PIK3C2G: variants seen among roughly 807,000 people sequenced by gnomAD.
PIK3C2G encodes phosphatidylinositol 3-kinase C2 domain-containing subunit gamma.
In PIK3C2G, 168 loss-of-function variants were observed where a neutral mutation model predicts 181.1. The ratio of observed to expected loss-of-function variants is 0.93; its 90% CI spans 0.82 to 1.05. The LOEUF (loss-of-function observed/expected upper bound fraction) is 1.05. PIK3C2G is among the 50% of genes least tolerant of loss of function. The probability of loss-of-function intolerance (pLI) is 0.00; values close to 1 mark genes in which losing one functional copy is unlikely to be tolerated. For missense variants in PIK3C2G, 1,869 were observed against 1,732.8 expected, an observed-to-expected ratio of 1.08 and a Z score of -1.40; for synonymous variants, 573 against 592.2, an observed-to-expected ratio of 0.97 and a Z score of 0.47.
At chr12:18,583,015 C>T (rs867866750) in intron 29 of PIK3C2G, among the ~76,000 whole-genome samples, 100 of 152,084 alleles carry the variant, frequency 6.6e-4, no homozygotes, top group African/African-American at 2.3e-3. Context: ...CTAGAGAGTC[C>T]GGGGTGACTT....
the PIK3C2G span, among the ~76,000 whole-genome samples, chr12:18,695,442 C>A: frequency 6.6e-6 from 1 of 152,080 alleles, no homozygotes; most frequent in African/African-American, 2.4e-5. Flanking sequence ...TCAACTATGT[C>A]ATAAATTTTC....
chr12:18,549,805 G>C (rs1944628230), intron 26 of PIK3C2G, among the ~76,000 whole-genome samples: 1 of 151,946 alleles, frequency 6.6e-6, no homozygotes, highest in South Asian at 2.1e-4. Flanking sequence ...CTGGATATTT[G>C]GTTCCAGATC....
At chr12:18,696,970 T>C in the PIK3C2G span, among the ~76,000 whole-genome samples, 1 of 152,144 alleles carries the variant, frequency 6.6e-6, no homozygotes. Flanking sequence ...TCTATTTTAG[T>C]TTCTGTACAT....
the PIK3C2G span, among the ~76,000 whole-genome samples, chr12:18,665,771 GT>G: frequency 2.0e-5 from 3 of 151,776 alleles, no homozygotes; most frequent in South Asian, 6.2e-4. Context: ...TCCTTCTCTA[GT>G]AAAATACAAA....
intron 26 of PIK3C2G, among the ~76,000 whole-genome samples, chr12:18,552,008 A>G (rs1944759471): frequency 6.6e-6 from 1 of 152,116 alleles, no homozygotes; most frequent in Non-Finnish European, 1.5e-5. Flanking sequence ...CCTTTCACAG[A>G]AAAATAGCCT....
At chr12:18,694,376 G>A in the PIK3C2G span, among the ~76,000 whole-genome samples, 1 of 152,084 alleles carries the variant, frequency 6.6e-6, no homozygotes, top group Non-Finnish European at 1.5e-5. Context: ...TGTTAAAGTT[G>A]ACACAAATTA....
At chr12:18,307,735 A>G (rs970918949) in intron 5 of PIK3C2G, among the ~76,000 whole-genome samples, 2 of 151,022 alleles carry the variant, frequency 1.3e-5, no homozygotes, top group African/African-American at 2.4e-5. Context: ...TTAAATTCCC[A>G]CCCTTCTTTC....
chr12:18,317,223 G>A lies in PIK3C2G; in HGVS notation c.1137+3159G>A, dbSNP rs546054570. Among the ~76,000 whole-genome samples, 23 of 151,978 alleles carry A rather than the reference G, an allele frequency of 1.5e-4. No homozygotes were observed. In the South Asian group the frequency reaches 4.6e-3, roughly 30 times the overall value. ...GAGACGGGTTTCACCATGTTGGTTA[G>A]GCTGGTCTCAAACTCCTGACCTCGT... On this transcript the variant is annotated intron_variant, in intron 6 of 32. Transcript: ENST00000538779.
chr12:18,659,350 G>A, the PIK3C2G span, among the ~76,000 whole-genome samples: 2 of 152,146 alleles, frequency 1.3e-5, no homozygotes, highest in South Asian at 2.1e-4. Context: ...ACAGCCATAC[G>A]CTTGTAACTG....
At chr12:18,458,763 T>G (rs1947760041) in intron 18 of PIK3C2G, among the ~76,000 whole-genome samples, 1 of 151,690 alleles carries the variant, frequency 6.6e-6, no homozygotes, top group Non-Finnish European at 1.5e-5. Context: ...GGGGATGCTC[T>G]GTGGCTGACT....
intron 19 of PIK3C2G, among the ~76,000 whole-genome samples, chr12:18,489,221 A>T (rs2136055107): frequency 6.6e-6 from 1 of 152,148 alleles, no homozygotes; most frequent in Non-Finnish European, 1.5e-5. Flanking sequence ...ATACACCATT[A>T]AGTAGTTTCT....
chr12:18,654,963 G>A, the PIK3C2G span, among the ~76,000 whole-genome samples: 2 of 151,892 alleles, frequency 1.3e-5, no homozygotes, highest in Non-Finnish European at 2.9e-5. Flanking sequence ...ATCCCTATGT[G>A]AAATAAAGAA....
intron 10 of PIK3C2G, 61 bp downstream of exon 10, chr12:18,343,421 A>G: frequency 1.1e-6 from 1 of 893,732 alleles, no homozygotes; most frequent in Non-Finnish European, 1.7e-6. Context: ...ACAGAATCCA[A>G]AATACTTTTT....
chr12:18,315,264 T>G (rs917277214), intron 6 of PIK3C2G, among the ~76,000 whole-genome samples: 2 of 152,128 alleles, frequency 1.3e-5, no homozygotes, highest in Non-Finnish European at 2.9e-5. Flanking sequence ...ATCTTTTGGA[T>G]CTTGTGCTCA....
chr12:18,376,291 G>A (rs1942434062), intron 13 of PIK3C2G, among the ~76,000 whole-genome samples: 1 of 152,152 alleles, frequency 6.6e-6, no homozygotes, highest in Non-Finnish European at 1.5e-5. Context: ...GGAGTCAAGG[G>A]TTATTTTGGA....
chr12:18,567,099 A>T, intron 29 of PIK3C2G, 42 bp downstream of exon 29: 1 of 919,138 alleles, frequency 1.1e-6, no homozygotes, highest in Non-Finnish European at 1.7e-6. Flanking sequence ...TAAAACATCA[A>T]CTATTTTATA....
intron 11 of PIK3C2G, among the ~76,000 whole-genome samples, chr12:18,361,974 T>G (rs1347712420): frequency 1.2e-4 from 17 of 142,838 alleles, no homozygotes; most frequent in Non-Finnish European, 2.6e-4. Context: ...GCCACCCAAC[T>G]TTTTTTTTTT....
intron 19 of PIK3C2G, among the ~76,000 whole-genome samples, chr12:18,489,965 A>G (rs924012863): frequency 6.6e-6 from 1 of 152,118 alleles, no homozygotes. Flanking sequence ...ACATCTCTTC[A>G]CATAGGAAAA....
rs1027834237 is a variant in PIK3C2G at position 18,357,908 on chromosome 12, T to C, written c.1626-4856T>C. ...GCATAATGTCCTTAATATTTATCCA[T>C]GTTGTAGTATGACAGGATTTTCTTC... On this transcript the variant is annotated intron_variant, in intron 11 of 32. Transcript: ENST00000538779. 5.9e-5 allele frequency among the ~76,000 whole-genome samples: 9 copies of C among 152,232 alleles called. No homozygotes were observed. In the East Asian group the frequency reaches 1.5e-3, roughly 26 times the overall value.
Sources: allele counts gnomAD v4.1 joint callset (sites outside exome capture counted in the v4.1 genomes callset), GRCh38; gene constraint gnomAD v4.1.1; transcripts MANE v1.5; gene names NCBI Gene and HGNC (gene_info 2026-07-23, HGNC 2026-07-21).